The following FYB2 variants were observed in gnomAD, a reference collection of about 807,000 sequenced individuals.
FYB2 encodes FYN binding protein 2.
Under a neutral mutation model 94.1 loss-of-function variants are expected in FYB2, and 103 were observed. The observed-to-expected ratio is 1.09, with a 90% CI of 0.93 to 1.29. FYB2 has a LOEUF of 1.29. Among genes scored for constraint, FYB2 ranks in the 50% most tolerant of loss-of-function variants. FYB2 has a pLI of 0.00. For missense variants in FYB2, 896 were observed against 841.5 expected, an observed-to-expected ratio of 1.06 and a Z score of -0.80; for synonymous variants, 293 against 287.9, an observed-to-expected ratio of 1.02 and a Z score of -0.18.
At position 56,740,734 on chromosome 1, in the gene FYB2, A is replaced by G. The variant is rs369027992; in HGVS notation, c.1666T>C (p.Phe556Leu). ...QQFFKKEKDRFKIKKTKSKEN... is the reference protein window; with the variant it reads ...QQFFKKEKDRLKIKKTKSKEN... Reference sequence around the variant, plus strand: ...TTCGACTTGGTTTTCTTTATTTTAAATCTATCCTTTTCTTTCTTGAAGAAT... The same window carrying G: ...TTCGACTTGGTTTTCTTTATTTTAAGTCTATCCTTTTCTTTCTTGAAGAAT... The change falls in exon 13 of 20, where the codon TTT becomes CTT. Residue 556 changes from phenylalanine to leucine, a missense_variant. Phe to Leu is a conservative substitution (Grantham distance 22). Transcript: ENST00000343433. The G allele has an allele frequency of 1.2e-6, 2 of 1,607,856 alleles. No homozygotes were observed. The highest frequency in any genetic ancestry group is 2.2e-5 in the East Asian group (1 of 44,660).
intron 1 of FYB2, among the ~76,000 whole-genome samples, chr1:56,796,909 A>C (rs1317538365): frequency 6.6e-6 from 1 of 152,184 alleles, no homozygotes; most frequent in African/African-American, 2.4e-5. Flanking sequence ...CCTACTATGC[A>C]CTAGGCACTA....
chr1:56,816,695 C>T (rs1317850863), intron 1 of FYB2, among the ~76,000 whole-genome samples: 2 of 152,120 alleles, frequency 1.3e-5, no homozygotes, highest in Non-Finnish European at 2.9e-5. Context: ...CTGCCTGGGC[C>T]TCTTCCTTGA....
At chr1:56,752,897 A>G (rs1366940315) in intron 8 of FYB2, among the ~76,000 whole-genome samples, 1 of 152,098 alleles carries the variant, frequency 6.6e-6, no homozygotes. Flanking sequence ...TAATCAAACC[A>G]TTCCTGATCT....
intron 1 of FYB2, among the ~76,000 whole-genome samples, chr1:56,795,443 G>A (rs1646374843): frequency 6.6e-6 from 1 of 152,094 alleles, no homozygotes; most frequent in African/African-American, 2.4e-5. Flanking sequence ...ATAAACATAG[G>A]TGTACAGATA....
At chr1:56,751,274 A>G (rs2100689269) in intron 8 of FYB2, 71 bp from the exon 9 acceptor site, 6 of 1,419,070 alleles carry the variant, frequency 4.2e-6, no homozygotes, top group Non-Finnish European at 5.8e-6. Flanking sequence ...TTACTTGTAC[A>G]GTTTTTCATT....
At chr1:56,761,068 A>G (rs1374763836) in intron 5 of FYB2, among the ~76,000 whole-genome samples, 1 of 152,142 alleles carries the variant, frequency 6.6e-6, no homozygotes, top group South Asian at 2.1e-4. Context: ...ATATCTGAAG[A>G]TGGTCCTCAG....
At chr1:56,784,231 G>GT (rs1202861913) in intron 4 of FYB2, among the ~76,000 whole-genome samples, 1 of 151,930 alleles carries the variant, frequency 6.6e-6, no homozygotes, top group African/African-American at 2.4e-5. Context: ...TTTTGCAGAA[G>GT]TTTTTTTTCT....
At chr1:56,719,881 C>A in intron 19 of FYB2, 141 bp downstream of exon 19, 1 of 1,002,028 alleles carries the variant, frequency 1.0e-6, no homozygotes, top group Non-Finnish European at 1.4e-6. Flanking sequence ...CCAACATAAT[C>A]CTTATAGAAT....
chr1:56,790,326 T>G (rs1026910348), intron 2 of FYB2, among the ~76,000 whole-genome samples: 5 of 152,202 alleles, frequency 3.3e-5, no homozygotes, highest in African/African-American at 9.6e-5. Context: ...CCTCTCTTCT[T>G]AGGCTTGAAT....
Position 56,742,148 on chromosome 1 carries a change from G to A in FYB2, c.1604+13C>T, listed in dbSNP as rs781033442. ...GTCATTAGCCTACAAAGCCAAGAAA[G>A]AGAGAAACTCACTCTATCTTTGGGT... On this transcript the variant is annotated intron_variant, in intron 12 of 19. Transcript: ENST00000343433. The A allele has an allele frequency of 6.3e-7, 1 of 1,598,386 alleles. No individual in the cohort carries two copies. The highest frequency in any genetic ancestry group is 8.6e-7 in the Non-Finnish European group (1 of 1,168,182).
chr1:56,740,877 T>C (rs1485406385), intron 12 of FYB2, 82 bp from the exon 13 acceptor site: 11 of 890,644 alleles, frequency 1.2e-5, no homozygotes, highest in African/African-American at 1.7e-5. Context: ...TAAAATCAAA[T>C]GCCACATGTT....
At chr1:56,750,698 G>T (rs976851045) in intron 9 of FYB2, among the ~76,000 whole-genome samples, 2 of 151,932 alleles carry the variant, frequency 1.3e-5, no homozygotes, top group African/African-American at 4.8e-5. Context: ...ACAAACATTT[G>T]CTGAGTACCT....
At chr1:56,819,519 C>A (rs1646963428), upstream of FYB2, 2 of 611,884 alleles carry the variant, frequency 3.3e-6, no homozygotes, top group East Asian at 2.7e-5. Flanking sequence ...AGACCAGCAC[C>A]TGCAGGGGAC....
chr1:56,731,210 G>A (rs971199953), intron 15 of FYB2, among the ~76,000 whole-genome samples: 6 of 152,162 alleles, frequency 3.9e-5, no homozygotes, highest in Non-Finnish European at 2.9e-5. Flanking sequence ...TCCCCAGAAA[G>A]AGGGTAGGTG....
chr1:56,749,771 C>G (rs150362875), intron 9 of FYB2, among the ~76,000 whole-genome samples: 1 of 151,978 alleles, frequency 6.6e-6, no homozygotes, highest in Non-Finnish European at 1.5e-5. Context: ...TATTTGAAAT[C>G]TGGGATGAAA....
chr1:56,825,589 C>G, the FYB2 span, among the ~76,000 whole-genome samples: 1 of 152,066 alleles, frequency 6.6e-6, no homozygotes, highest in Non-Finnish European at 1.5e-5. Context: ...GTGTAAGGCA[C>G]TAAACAAACA....
chr1:56,761,612 A>T (rs181959174), intron 5 of FYB2, among the ~76,000 whole-genome samples: 2 of 152,298 alleles, frequency 1.3e-5, no homozygotes, highest in East Asian at 3.9e-4. Context: ...AGCCTGAATC[A>T]TGTATGCCCA....
Position 56,744,075 on chromosome 1 carries a change from GA to G in FYB2, c.1503-10del. 1 of 1,612,554 alleles carries G rather than the reference GA, an allele frequency of 6.2e-7. No homozygotes were observed. Among genetic ancestry groups the G allele is most frequent in the Non-Finnish European group, 8.5e-7 (1 of 1,179,210 alleles). ...AGTAGTTCAGCTTCGGTCTATGGGA[GA>G]AAATAACAAAGACCATTATTGTACC... On this transcript the variant is annotated splice_polypyrimidine_tract_variant and intron_variant, in intron 10 of 19. Transcript: ENST00000343433.
chr1:56,785,364 CACACTGTCAT>C (rs1202393488), intron 4 of FYB2, among the ~76,000 whole-genome samples: 1 of 152,222 alleles, frequency 6.6e-6, no homozygotes, highest in African/African-American at 2.4e-5. Flanking sequence ...ACTGTCCCTT[CACACTGTCAT>C]ACTGGGACCT....
Sources: gnomAD v4.1 joint callset for allele counts (sites outside exome capture counted in the v4.1 genomes callset) on GRCh38, gnomAD v4.1.1 for gene constraint, MANE v1.5 for transcripts, NCBI Gene and HGNC (gene_info 2026-07-23, HGNC 2026-07-21) for gene names.